Variants in USP24 observed in about 807,000 individuals in gnomAD.
USP24 encodes the protein ubiquitin carboxyl-terminal hydrolase 24.
In USP24, 97 loss-of-function variants were observed where a neutral mutation model predicts 361.6. The observed-to-expected ratio is 0.27, with a 90% confidence interval of 0.23 to 0.32. USP24 has a LOEUF of 0.32. USP24 is among the 10% of genes least tolerant of loss of function. USP24 has a pLI of 1.00. For synonymous variants in USP24, 1,098 were observed against 1,124.6 expected (o/e 0.98, Z 0.47); for missense variants, 2,353 against 3,165.6 (o/e 0.74, Z 6.16).
At position 55,212,553 on chromosome 1, in the gene USP24, C is replaced by A. The variant is rs558379886; in HGVS notation, c.324+2237G>T. Among the ~76,000 whole-genome samples the A allele has an allele frequency of 2.0e-5, 3 of 152,306 alleles. No individual in the cohort carries two copies. The South Asian group carries it at 6.2e-4, about 32-fold the overall frequency. On this transcript the variant is annotated intron_variant, in intron 1 of 67. Transcript: ENST00000294383. ...GCTGGATAATATTTATTACCTTTCC[C>A]TATTTCCCAAGATCAAGAGCCTCAG...
chr1:55,072,000 C>T lies in USP24; in HGVS notation c.7690-76G>A, dbSNP rs942328980. On this transcript the variant is annotated intron_variant, in intron 66 of 67. Coordinates refer to ENST00000294383, the MANE Select transcript of USP24 (RefSeq NM_015306.3). ...AGCAGCAACCGCCAGGGAAGACTAC[C>T]TTTCATCTGACCTTCAGTGGGACCG... The T allele has an allele frequency of 7.7e-6, 10 of 1,293,462 alleles. No individual in the cohort carries two copies. In the East Asian group the frequency reaches 2.5e-4, roughly 32 times the overall value. 80.1% of individuals were successfully genotyped at this position (1,293,462 alleles called of 1,614,324 possible).
intron 1 of USP24, among the ~76,000 whole-genome samples, chr1:55,200,909 A>G (rs571672569): frequency 1.4e-4 from 22 of 152,356 alleles, no homozygotes; most frequent in Non-Finnish European, 2.8e-4. Flanking sequence ...ATATTTTTCT[A>G]TGTGAGCTAA....
intron 59 of USP24, 131 bp from the exon 60 acceptor site, chr1:55,079,790 C>CAGAGT: frequency 4.3e-6 from 5 of 1,157,408 alleles, no homozygotes; most frequent in Non-Finnish European, 5.7e-6. Context: ...AGTACTCACA[C>CAGAGT]ACTGAGTACT....
At chr1:55,130,474 T>C (rs907321971) in intron 31 of USP24, among the ~76,000 whole-genome samples, 3 of 152,222 alleles carry the variant, frequency 2.0e-5, no homozygotes, top group Non-Finnish European at 2.9e-5. Flanking sequence ...ATTGCCTCAG[T>C]CTTAAACTAG....
chr1:55,105,104 CCTT>C (rs1356296054), intron 41 of USP24, among the ~76,000 whole-genome samples: 2 of 152,112 alleles, frequency 1.3e-5, no homozygotes, highest in East Asian at 1.9e-4. Context: ...AACACTCCTT[CCTT>C]CTTCATTTAT....
chr1:55,098,420 AC>A, intron 46 of USP24, 55 bp downstream of exon 46: 4 of 1,484,204 alleles, frequency 2.7e-6, no homozygotes, highest in Non-Finnish European at 3.7e-6. Flanking sequence ...AACATACTAA[AC>A]AAATCACTTC....
At chr1:55,123,650 G>C (rs1426264921) in intron 35 of USP24, 48 bp from the exon 36 acceptor site, 6 of 1,494,496 alleles carry the variant, frequency 4.0e-6, no homozygotes, top group Non-Finnish European at 5.4e-6. Context: ...CAGGAACTAT[G>C]CAATATTTTA....
chr1:55,094,207 G>A lies in USP24; in HGVS notation c.6204-120C>T, dbSNP rs571515877. ...ACTATTTGATTATTATACATGTATC[G>A]AAACATAAAACTGTACCACATAAAT... On this transcript the variant is annotated intron_variant, in intron 51 of 67. Transcript: ENST00000294383. The A allele has an allele frequency of 2.7e-4, 266 of 994,218 alleles. 2 individuals carry two copies. In the South Asian group the frequency reaches 3.6e-3, roughly 13 times the overall value. 61.6% of individuals were successfully genotyped at this position (994,218 alleles called of 1,614,324 possible).
At chr1:55,078,979 C>T (rs1197913293) in intron 60 of USP24, among the ~76,000 whole-genome samples, 1 of 147,630 alleles carries the variant, frequency 6.8e-6, no homozygotes, top group Non-Finnish European at 1.5e-5. Context: ...TATTAAATAG[C>T]ACAACACTGT....
Position 55,069,056 on chromosome 1 carries a change from C to G in USP24, c.7852G>C (p.Val2618Leu). Reference sequence around the variant, plus strand: ...CTGGGCATGTTCCTCTAGGGATCAACATCATCAAGGTCACTTCTCAACTCA... The same window carrying G: ...CTGGGCATGTTCCTCTAGGGATCAAGATCATCAAGGTCACTTCTCAACTCA... Reference protein sequence around the residue: ...IGELRSDLDDVDP With the variant: ...IGELRSDLDDLDP The change falls in exon 68 of 68, where the codon GTT (valine) becomes CTT (leucine). Residue 2618 changes from valine (V) to leucine (L), a missense_variant. Val to Leu is a conservative substitution (Grantham distance 32). Around this residue, in one of 8 missense-constraint regions of USP24, gnomAD observed 53 missense variants for 57.7 expected, o/e 0.92. Transcript: ENST00000294383. 1 of 1,613,996 alleles carries G rather than the reference C, an allele frequency of 6.2e-7. No individual in the cohort carries two copies. The highest frequency in any genetic ancestry group is 2.2e-5 in the East Asian group (1 of 44,886).
intron 24 of USP24, among the ~76,000 whole-genome samples, chr1:55,139,315 G>T (rs1264479713): frequency 6.6e-6 from 1 of 152,132 alleles, no homozygotes; most frequent in Non-Finnish European, 1.5e-5. Context: ...AGGCCTATCT[G>T]TCCATTAATT....
chr1:55,127,529 C>T (rs1281548823), intron 32 of USP24, among the ~76,000 whole-genome samples: 1 of 152,092 alleles, frequency 6.6e-6, no homozygotes, highest in Non-Finnish European at 1.5e-5. Context: ...AATAAACATA[C>T]GTGTGCATGT....
chr1:55,175,648 C>T (rs971805016), intron 3 of USP24, among the ~76,000 whole-genome samples: 3 of 152,178 alleles, frequency 2.0e-5, no homozygotes, highest in African/African-American at 7.2e-5. Flanking sequence ...TCATTCATTG[C>T]AACTTTTCTG....
In USP24 at chr1:55,066,463, T is replaced by C. The variant is rs372255648; in HGVS notation, c.*2582A>G. Reference sequence around the variant, plus strand: ...CTTCCCTAGTGTATCTACTTCCTTTTGAAATTTTATAAACAAGATTTTATA... The same window carrying C: ...CTTCCCTAGTGTATCTACTTCCTTTCGAAATTTTATAAACAAGATTTTATA... On this transcript the variant is annotated 3_prime_UTR_variant, in exon 68 of 68. Transcript: ENST00000294383. 1.3e-5 allele frequency: 2 copies of C among 152,196 alleles called. No individual in the cohort carries two copies. Among genetic ancestry groups the C allele is most frequent in the East Asian group, 1.9e-4 (1 of 5,200 alleles). The allele number at this position is 152,196 out of a possible 1,614,324, so 9.4% of individuals were successfully genotyped here. A position where few individuals can be genotyped will look rare whatever the true frequency, so the allele number is the denominator to read the frequency against.
At chr1:55,135,758 TATA>T (rs1329707642) in intron 28 of USP24, among the ~76,000 whole-genome samples, 2 of 151,996 alleles carry the variant, frequency 1.3e-5, no homozygotes, top group African/African-American at 4.8e-5. Flanking sequence ...GGGAAATATA[TATA>T]ATAACCATAG....
chr1:55,169,766 C>A (rs1649263029), intron 5 of USP24, among the ~76,000 whole-genome samples: 1 of 151,986 alleles, frequency 6.6e-6, no homozygotes, highest in Admixed American at 6.6e-5. Flanking sequence ...AAAGTTCAGG[C>A]CATCAAAAAC....
chr1:55,085,364 C>A (rs1371026379), intron 56 of USP24, among the ~76,000 whole-genome samples: 2 of 152,226 alleles, frequency 1.3e-5, no homozygotes, highest in Non-Finnish European at 2.9e-5. Context: ...TTCATTGAGG[C>A]ACAATGCCTC....
At chr1:55,146,811 G>T in intron 19 of USP24, 118 bp downstream of exon 19, 3 of 1,191,220 alleles carry the variant, frequency 2.5e-6, no homozygotes, top group East Asian at 2.8e-5. Context: ...TACAGTTCTT[G>T]GCCCATACTA....
At chr1:55,184,765 A>G (rs1217348321) in intron 1 of USP24, among the ~76,000 whole-genome samples, 1 of 152,236 alleles carries the variant, frequency 6.6e-6, no homozygotes, top group African/African-American at 2.4e-5. Flanking sequence ...AAAAATCAAC[A>G]GAAGGAAATA....
Sources: gnomAD v4.1 joint callset for allele counts (sites outside exome capture counted in the v4.1 genomes callset) on GRCh38, gnomAD v4.1.1 for gene constraint, gnomAD v4.1.1 regional missense constraint, MANE v1.5 for transcripts, NCBI Gene and HGNC (gene_info 2026-07-23, HGNC 2026-07-21) for gene names.